PCDHA9: variants seen among roughly 807,000 people sequenced by gnomAD.
The protein encoded by PCDHA9 is protocadherin alpha-9.
Under a neutral mutation model 62.0 loss-of-function variants are expected in PCDHA9, and 62 were observed. The ratio of observed to expected loss-of-function variants is 1.00; its 90% CI spans 0.81 to 1.23. The LOEUF is 1.23. Ranked by LOEUF, PCDHA9 falls within the 50% of genes most tolerant of loss-of-function variation. PCDHA9 has a pLI of 0.00. For missense variants in PCDHA9, 1,205 were observed against 1,249.8 expected (o/e 0.96, Z 0.54); for synonymous variants, 557 against 567.6 (o/e 0.98, Z 0.27).
intron 1 of PCDHA9, chr5:140,927,658 C>G (rs782350503): frequency 6.2e-7 from 1 of 1,614,094 alleles, no homozygotes; most frequent in East Asian, 2.2e-5. Context: ...ATTCCGAGTT[C>G]AAGCCTTGGA....
chr5:140,957,188 C>A (rs374236292), intron 1 of PCDHA9, among the ~76,000 whole-genome samples: 1 of 151,992 alleles, frequency 6.6e-6, no homozygotes, highest in Middle Eastern at 3.4e-3. Flanking sequence ...TATTGATGAC[C>A]GATTGGGAAT....
rs2150466596 is a variant in PCDHA9 at position 140,850,091 on chromosome 5, G to A, written c.1596G>A (p.Gln532=). 5 of 1,596,604 alleles carry A rather than the reference G, an allele frequency of 3.1e-6. No individual in the cohort carries two copies. In the African/African-American group the frequency reaches 5.4e-5, roughly 17 times the overall value. Residue 532 remains glutamine, a synonymous_variant, in exon 1 of 4, where the codon CAG becomes CAA. Coordinates refer to ENST00000532602, the MANE Select transcript of PCDHA9 (RefSeq NM_031857.2). The part of the protein sequence containing the change: ...PLDHEELELL[Q]FQVSARDAGV... ...ACCACGAGGAGCTGGAGCTGCTACA[G>A]TTCCAGGTGAGCGCGCGCGACGCGG...
intron 1 of PCDHA9, chr5:140,876,998 C>T: frequency 6.2e-7 from 1 of 1,612,502 alleles, no homozygotes; most frequent in South Asian, 1.1e-5. Flanking sequence ...AGCTACGTGT[C>T]GGTGCACGCG....
chr5:140,986,572 G>T (rs1587171327), intron 3 of PCDHA9, among the ~76,000 whole-genome samples: 1 of 152,268 alleles, frequency 6.6e-6, no homozygotes, highest in East Asian at 1.9e-4. Context: ...TCTGTTATTG[G>T]TTTTTCCAGC....
At chr5:140,924,992 G>T (rs1383717650) in intron 1 of PCDHA9, among the ~76,000 whole-genome samples, 3 of 151,676 alleles carry the variant, frequency 2.0e-5, no homozygotes, top group African/African-American at 7.3e-5. Context: ...TGTAATCCTA[G>T]CACTTTAGGA....
At chr5:140,926,268 T>A (rs1166651492) in intron 1 of PCDHA9, 1 of 152,208 alleles carries the variant, frequency 6.6e-6, no homozygotes, top group Non-Finnish European at 1.5e-5. Context: ...TCTCGCCGCC[T>A]CCGCTCGGCA....
At chr5:140,893,318 T>C (rs1329749503) in intron 1 of PCDHA9, among the ~76,000 whole-genome samples, 2 of 152,170 alleles carry the variant, frequency 1.3e-5, no homozygotes, top group African/African-American at 2.4e-5. Context: ...TTTGAGGGAC[T>C]CCCATACTGT....
intron 1 of PCDHA9, among the ~76,000 whole-genome samples, chr5:140,920,357 A>G (rs782419559): frequency 5.3e-5 from 8 of 151,994 alleles, no homozygotes; most frequent in Non-Finnish European, 8.8e-5. Context: ...TGCTAGTTCT[A>G]TTCATTTATT....
chr5:140,921,471 A>G (rs2080231314), intron 1 of PCDHA9, among the ~76,000 whole-genome samples: 1 of 152,182 alleles, frequency 6.6e-6, no homozygotes, highest in Non-Finnish European at 1.5e-5. Context: ...ACCACTACCA[A>G]ACCACTCTAC....
chr5:140,961,856 C>T (rs781908407), intron 1 of PCDHA9, among the ~76,000 whole-genome samples: 1 of 151,570 alleles, frequency 6.6e-6, no homozygotes, highest in Non-Finnish European at 1.5e-5. Flanking sequence ...GATCATTTAT[C>T]TGGCCACAGA....
intron 1 of PCDHA9, chr5:140,876,688 T>A (rs1382110439): frequency 2.5e-6 from 4 of 1,614,172 alleles, no homozygotes; most frequent in Non-Finnish European, 3.4e-6. Context: ...GAATTACTAC[T>A]CGTTGGTGCT....
intron 1 of PCDHA9, among the ~76,000 whole-genome samples, chr5:140,925,685 G>A (rs1584406507): frequency 7.3e-6 from 1 of 137,694 alleles, no homozygotes; most frequent in South Asian, 2.3e-4. Flanking sequence ...ATAAAGCGAG[G>A]GTGGGTATCT....
At chr5:140,968,852 A>G (rs1554231175) in intron 1 of PCDHA9, 1 of 1,614,196 alleles carries the variant, frequency 6.2e-7, no homozygotes, top group Non-Finnish European at 8.5e-7. Flanking sequence ...GAGGCATGTT[A>G]AGAGCCCTCG....
chr5:140,922,093 C>T (rs1037802949), intron 1 of PCDHA9, among the ~76,000 whole-genome samples: 6 of 151,986 alleles, frequency 3.9e-5, no homozygotes, highest in Middle Eastern at 3.4e-3. Flanking sequence ...GTATTTCTAC[C>T]AACTATAGAT....
intron 1 of PCDHA9, among the ~76,000 whole-genome samples, chr5:140,917,241 C>G (rs1383271236): frequency 6.7e-6 from 1 of 150,002 alleles, no homozygotes; most frequent in Non-Finnish European, 1.5e-5. Context: ...AATCTAGGTA[C>G]TACGATTGCT....
At chr5:140,882,112 C>T (rs1399071152) in intron 1 of PCDHA9, 2 of 1,384,570 alleles carry the variant, frequency 1.4e-6, no homozygotes, top group Non-Finnish European at 1.9e-6. Flanking sequence ...CGAAGAAAGC[C>T]GCCGTTTCTT....
At chr5:140,923,093 A>G (rs1372910044) in intron 1 of PCDHA9, among the ~76,000 whole-genome samples, 3 of 152,194 alleles carry the variant, frequency 2.0e-5, no homozygotes, top group Admixed American at 6.5e-5. Flanking sequence ...TATTTGACCA[A>G]TGGGAGTATG....
At chr5:141,008,211 G>A (rs1032443788) in intron 3 of PCDHA9, among the ~76,000 whole-genome samples, 6 of 152,168 alleles carry the variant, frequency 3.9e-5, no homozygotes, top group Admixed American at 2.0e-4. Context: ...AACTTGACAT[G>A]AGTTATGTTA....
intron 2 of PCDHA9, chr5:140,982,235 T>C (rs782570505): frequency 2.6e-5 from 17 of 646,792 alleles, no homozygotes; most frequent in Non-Finnish European, 3.9e-5. Flanking sequence ...AAAAACAGAA[T>C]TGCCATAAAG....
Sources: allele counts gnomAD v4.1 joint callset (sites outside exome capture counted in the v4.1 genomes callset), GRCh38; gene constraint gnomAD v4.1.1; transcripts MANE v1.5; gene names NCBI Gene and HGNC (gene_info 2026-07-23, HGNC 2026-07-21).